The following PGR variants were observed in gnomAD, a reference collection of about 807,000 sequenced individuals.
PGR encodes progesterone receptor.
Under a neutral mutation model 76.1 loss-of-function variants are expected in PGR, and 25 were observed. The ratio of observed to expected loss-of-function variants is 0.33; its 90% confidence interval spans 0.24 to 0.46. The LOEUF is 0.46. PGR is among the 20% of genes least tolerant of loss of function. The pLI is 1.00. For missense variants in PGR, 1,172 were observed against 1,225.3 expected (o/e 0.96, Z 0.65); for synonymous variants, 579 against 535.0 (o/e 1.08, Z -1.14).
rs1862544340 is a variant in PGR at position 101,117,387 on chromosome 11, T to C, written c.1789+8620A>G. Reference sequence around the variant, plus strand: ...TTTGTAAGAATATTTTGTATATGGGTAATAATTTCCTTTTGATTTACATAT... The same window carrying C: ...TTTGTAAGAATATTTTGTATATGGGCAATAATTTCCTTTTGATTTACATAT... On this transcript the variant is annotated intron_variant, in intron 2 of 7. Transcript: ENST00000325455. Among the ~76,000 whole-genome samples the C allele has an allele frequency of 2.0e-5, 3 of 152,162 alleles. No homozygotes were observed. The South Asian group carries it at 6.2e-4, about 32-fold the overall frequency.
intron 4 of PGR, among the ~76,000 whole-genome samples, chr11:101,058,031 G>A (rs117791420): frequency 0.019 from 2,945 of 152,260 alleles, 38 homozygotes; most frequent in Admixed American, 0.039. Flanking sequence ...AATTTATAGT[G>A]TGGGTGGAAG....
chr11:101,096,970 T>C (rs924148547), intron 2 of PGR, among the ~76,000 whole-genome samples: 4 of 150,686 alleles, frequency 2.7e-5, no homozygotes, highest in African/African-American at 9.8e-5. Flanking sequence ...TTATAAGCTA[T>C]AAGCCACCAC....
chr11:101,039,525 A>G (rs1172263782), intron 7 of PGR, among the ~76,000 whole-genome samples: 1 of 151,622 alleles, frequency 6.6e-6, no homozygotes, highest in Non-Finnish European at 1.5e-5. Flanking sequence ...ATTCTACAGG[A>G]TAAGCTGTGT....
chr11:101,081,923 G>A (rs949561371), intron 3 of PGR, among the ~76,000 whole-genome samples: 4 of 152,150 alleles, frequency 2.6e-5, no homozygotes, highest in African/African-American at 7.2e-5. Context: ...AACCTTGAAC[G>A]TAAATGGTCT....
intron 3 of PGR, among the ~76,000 whole-genome samples, chr11:101,072,413 C>T (rs1261323650): frequency 6.6e-6 from 1 of 152,138 alleles, no homozygotes; most frequent in East Asian, 1.9e-4. Flanking sequence ...GAAGAAACTG[C>T]ATCAACTAAT....
In PGR at chr11:101,089,839, TAGGAATAAC is replaced by T. The variant is rs11571191; in HGVS notation, c.1906+1912_1906+1920del. ...CCCGTAGAATATGGCTTGGGAAGCA[TAGGAATAAC>T]AGGCTAAAGTAACAAGCAGTTTGGT... On this transcript the variant is annotated intron_variant, in intron 3 of 7. Transcript: ENST00000325455. 1.6e-3 allele frequency among the ~76,000 whole-genome samples: 249 copies of T among 152,158 alleles called. 4 individuals carry two copies. In the South Asian group the frequency reaches 0.021, roughly 13 times the overall value.
chr11:101,043,916 C>A (rs523630), intron 6 of PGR, among the ~76,000 whole-genome samples: 5 of 151,950 alleles, frequency 3.3e-5, no homozygotes, highest in Admixed American at 3.3e-4. Context: ...ACAGGCAGAA[C>A]AGATTGAGCG....
rs1342830563 is a variant in PGR at position 101,051,913 on chromosome 11, C to T, written c.2213-345G>A. Among the ~76,000 whole-genome samples, 4 of 152,124 alleles carry T rather than the reference C, an allele frequency of 2.6e-5. 1 individual carries two copies. The South Asian group carries it at 6.2e-4, about 24-fold the overall frequency. ...AAGATGAGTAAGAGTCAATCCTAGC[C>T]TCAAAAGCAGCTCACAACTCAACAG... On this transcript the variant is annotated intron_variant, in intron 4 of 7. Coordinates refer to ENST00000325455, the MANE Select transcript of PGR (RefSeq NM_000926.4).
rs375501768 is a variant in PGR at position 101,041,429 on chromosome 11, T to G, written c.2646+516A>C. Among the ~76,000 whole-genome samples the G allele has an allele frequency of 5.3e-5, 8 of 152,252 alleles. 1 individual carries two copies. In the East Asian group the frequency reaches 1.2e-3, roughly 22 times the overall value. ...TGTTTGCTTTTCTTTTTTCCCCCTC[T>G]GCTATGGTGAACATCCTTGCATGTA... On this transcript the variant is annotated intron_variant, in intron 7 of 7. Transcript: ENST00000325455.
In PGR at chr11:101,127,604, C is replaced by G; in HGVS notation, c.1467G>C (p.Leu489=). 1 of 1,302,136 alleles carries G rather than the reference C, an allele frequency of 7.7e-7. No homozygotes were observed. Among genetic ancestry groups the G allele is most frequent in the Non-Finnish European group, 9.7e-7 (1 of 1,034,406 alleles). The allele number at this position is 1,302,136 out of a possible 1,614,324, so 80.7% of individuals were successfully genotyped here. ...PCKAPGASGC[L]LPRDGLPSTS... The stretch of plus-strand genomic sequence containing the variant: ...TGGAGGGCAGGCCGTCCCGCGGGAG[C>G]AGGCAGCCGCTCGCGCCCGGCGCCT... Residue 489 remains leucine (L), a synonymous_variant, in exon 1 of 8, where the codon CTG becomes CTC. Transcript: ENST00000325455.
rs1170719990 is a variant in PGR, at chr11:101,129,302, GC to G, written c.-233del. ...GGAACTGTGGCTGTCGTTTGTCCCA[GC>G]GAGCGGCAAGTGGGGAGCGCAAGAA... is the stretch of plus-strand genomic sequence containing the variant. On this transcript the variant is annotated 5_prime_UTR_variant, in exon 1 of 8. Coordinates refer to ENST00000325455, the MANE Select transcript of PGR (RefSeq NM_000926.4). 4 of 499,424 alleles carry G rather than the reference GC, an allele frequency of 8.0e-6. No homozygotes were observed. The Admixed American group carries it at 1.1e-4, about 13-fold the overall frequency. 30.9% of individuals were successfully genotyped at this position (499,424 alleles called of 1,614,324 possible).
intron 5 of PGR, 127 bp downstream of exon 5, chr11:101,051,297 C>T: frequency 1.5e-6 from 1 of 648,750 alleles, no homozygotes; most frequent in South Asian, 2.2e-5. Flanking sequence ...TATAAAATTA[C>T]CGTAAAATGA....
chr11:101,039,658 A>G (rs181277103), intron 7 of PGR, among the ~76,000 whole-genome samples: 24 of 152,164 alleles, frequency 1.6e-4, no homozygotes, highest in Admixed American at 9.2e-4. Flanking sequence ...GCTGTTTTAT[A>G]TAACAACATA....
chr11:101,086,062 A>C (rs140933374), intron 3 of PGR, among the ~76,000 whole-genome samples: 241 of 152,302 alleles, frequency 1.6e-3, no homozygotes, highest in Non-Finnish European at 2.9e-3. Context: ...TATTTCAAAA[A>C]ATCGAGAAGG....
intron 4 of PGR, among the ~76,000 whole-genome samples, chr11:101,052,985 G>C (rs1419930671): frequency 2.0e-5 from 3 of 152,070 alleles, no homozygotes; most frequent in Non-Finnish European, 4.4e-5. Flanking sequence ...ATATGAATTA[G>C]AAGTATGGGG....
intron 7 of PGR, among the ~76,000 whole-genome samples, chr11:101,041,415 C>G (rs11571257): frequency 0.011 from 1,634 of 152,106 alleles, 13 homozygotes; most frequent in South Asian, 0.022. Flanking sequence ...GTTTGCTTTT[C>G]TTTTTTCCCC....
intron 3 of PGR, among the ~76,000 whole-genome samples, chr11:101,083,790 T>C (rs1199821784): frequency 1.3e-5 from 2 of 152,164 alleles, no homozygotes; most frequent in Non-Finnish European, 2.9e-5. Flanking sequence ...GTAACTAACT[T>C]GTTTTTGATA....
At chr11:101,084,521 G>T (rs1861424920) in intron 3 of PGR, among the ~76,000 whole-genome samples, 1 of 152,022 alleles carries the variant, frequency 6.6e-6, no homozygotes, top group Admixed American at 6.6e-5. Flanking sequence ...AGCCAGCCGT[G>T]GTGGCAGGTG....
In PGR at chr11:101,035,821, T is replaced by G. The variant is rs1023169307; in HGVS notation, c.*3295A>C. ...CAACCAAATATATCATAGCACATGGTGACATAAATAAAACAGTGAGACTTT... is the reference window on the plus strand; with the variant it reads ...CAACCAAATATATCATAGCACATGGGGACATAAATAAAACAGTGAGACTTT... On this transcript the variant is annotated 3_prime_UTR_variant, in exon 8 of 8. Transcript: ENST00000325455. 4.3e-6 allele frequency: 1 copy of G among 231,796 alleles called. No homozygotes were observed. The allele number at this position is 231,796 out of a possible 1,614,324, so 14.4% of individuals were successfully genotyped here.
Sources: allele counts gnomAD v4.1 joint callset (sites outside exome capture counted in the v4.1 genomes callset), GRCh38; gene constraint gnomAD v4.1.1; transcripts MANE v1.5; gene names NCBI Gene and HGNC (gene_info 2026-07-23, HGNC 2026-07-21).